Variants in CENPF observed in about 807,000 individuals in gnomAD.
The protein encoded by CENPF is centromere protein F.
CENPF carries 214 observed loss-of-function variants against 307.3 expected under a neutral mutation model. The observed-to-expected ratio is 0.70, with a 90% CI of 0.62 to 0.78. CENPF has a LOEUF of 0.78. CENPF is among the 30% of genes least tolerant of loss of function. CENPF has a pLI of 0.00. For synonymous variants in CENPF, 1,259 were observed against 1,270.6 expected (o/e 0.99, Z 0.19); for missense variants, 3,401 against 3,483.9 (o/e 0.98, Z 0.60).
intron 12 of CENPF, 52 bp from the exon 13 acceptor site, chr1:214,644,500 CTATTT>C: frequency 6.8e-7 from 1 of 1,469,282 alleles, no homozygotes; most frequent in Non-Finnish European, 9.1e-7. Context: ...TAAATCTATT[CTATTT>C]TGATTCTTTT....
At chr1:214,608,762 C>T in intron 1 of CENPF, 1 of 1,600,280 alleles carries the variant, frequency 6.2e-7, no homozygotes, top group Non-Finnish European at 8.5e-7. Context: ...GGCAGGAAGG[C>T]GAGCTTGGCA....
intron 3 of CENPF, 69 bp downstream of exon 3, chr1:214,615,097 C>A: frequency 1.8e-6 from 2 of 1,117,304 alleles, no homozygotes; most frequent in Non-Finnish European, 2.5e-6. Context: ...TTGTCTTTTC[C>A]TTTAACAATA....
intron 18 of CENPF, 98 bp from the exon 19 acceptor site, chr1:214,658,748 TGGAG>T: frequency 8.6e-7 from 1 of 1,162,138 alleles, no homozygotes; most frequent in Admixed American, 2.1e-5. Flanking sequence ...AAGTATTTTT[TGGAG>T]TTTGCATTAT....
chr1:214,631,675 T>A (rs1657813313), intron 9 of CENPF, among the ~76,000 whole-genome samples: 1 of 152,144 alleles, frequency 6.6e-6, no homozygotes, highest in Non-Finnish European at 1.5e-5. Context: ...GATTTTTGTA[T>A]TTTTAGTAGA....
Position 214,629,185 on chromosome 1 carries a change from A to T in CENPF, c.1194+14A>T, listed in dbSNP as rs1475564762. On this transcript the variant is annotated intron_variant, in intron 8 of 19. Transcript: ENST00000366955. ...GAGTTTCAAGAGGTAAGGTAAATGG[A>T]TTCATGAGGTGTTTGTCTGAAAGGC... 1 of 1,584,112 alleles carries T rather than the reference A, an allele frequency of 6.3e-7. No homozygotes were observed. Among genetic ancestry groups the T allele is most frequent in the Non-Finnish European group, 8.6e-7 (1 of 1,168,128 alleles).
At position 214,658,882 on chromosome 1, in the gene CENPF, C is replaced by A; in HGVS notation, c.8995C>A (p.Pro2999Thr). Reference protein sequence around the residue: ...FADIPTGKTSPYILRRTTMAT... With the variant: ...FADIPTGKTSTYILRRTTMAT... ...TGACATCCCGACAGGAAAGACTAGC[C>A]CATATATCCTGCGAAGAACAACCAT... is the stretch of plus-strand genomic sequence containing the variant. The change falls in exon 19 of 20, where the codon CCA (proline) becomes ACA (threonine). Residue 2999 changes from proline to threonine, a missense_variant. Coordinates refer to ENST00000366955, the MANE Select transcript of CENPF (RefSeq NM_016343.4). The A allele has an allele frequency of 3.7e-6, 6 of 1,614,028 alleles. No homozygotes were observed. Among genetic ancestry groups the A allele is most frequent in the Non-Finnish European group, 5.1e-6 (6 of 1,179,972 alleles).
At position 214,645,855 on chromosome 1, in the gene CENPF, C is replaced by T. The variant is rs751918676; in HGVS notation, c.6285C>T (p.Ala2095=). The part of the protein sequence containing the change: ...EKLNVSKALE[A]ALVEKGEFAL... Reference sequence around the variant, plus strand: ...TGAATGTCTCCAAGGCCTTGGAGGCCGCACTGGTGGAGAAAGGTGAGTTCG... The same window carrying T: ...TGAATGTCTCCAAGGCCTTGGAGGCTGCACTGGTGGAGAAAGGTGAGTTCG... Residue 2095 remains alanine, a synonymous_variant, in exon 13 of 20, where the codon GCC becomes GCT. Transcript: ENST00000366955. 32 of 1,613,974 alleles carry T rather than the reference C, an allele frequency of 2.0e-5. No homozygotes were observed. The highest frequency in any genetic ancestry group is 7.7e-5 in the South Asian group (7 of 91,086).
At chr1:214,607,631 C>T (rs936113863) in intron 1 of CENPF, among the ~76,000 whole-genome samples, 8 of 152,114 alleles carry the variant, frequency 5.3e-5, no homozygotes, top group African/African-American at 1.4e-4. Flanking sequence ...AGGGCCAGGA[C>T]GAGACAGCCC....
At chr1:214,643,429 T>A (rs1293802289) in intron 12 of CENPF, 105 bp downstream of exon 12, 3 of 1,074,736 alleles carry the variant, frequency 2.8e-6, no homozygotes, top group Non-Finnish European at 3.7e-6. Context: ...GTTAAAATAT[T>A]TTTAGGGTTC....
intron 16 of CENPF, 174 bp from the exon 17 acceptor site, chr1:214,655,067 G>T (rs771332082): frequency 4.8e-6 from 2 of 416,322 alleles, no homozygotes; most frequent in East Asian, 3.9e-5. Flanking sequence ...CAGTTGGGGG[G>T]ACTTAGGAAA....
chr1:214,652,213 T>A (rs954605123), intron 15 of CENPF, among the ~76,000 whole-genome samples: 5 of 151,030 alleles, frequency 3.3e-5, no homozygotes, highest in African/African-American at 1.2e-4. Context: ...TTTTTTGTAT[T>A]TTTAGTAGTG....
chr1:214,640,596 A>T lies in CENPF; in HGVS notation c.2258A>T (p.Tyr753Phe). 6.2e-7 allele frequency: 1 copy of T among 1,614,138 alleles called. No individual in the cohort carries two copies. The highest frequency in any genetic ancestry group is 8.5e-7 in the Non-Finnish European group (1 of 1,179,960). Residue 753 changes from tyrosine (Y) to phenylalanine (F), a missense_variant, in exon 12 of 20, where the codon TAC (tyrosine) becomes TTC (phenylalanine). By Grantham distance (22) the Tyr-to-Phe change is conservative. Transcript: ENST00000366955. The part of the protein sequence containing the change: ...SNEIMDKDRC[Y>F]QDLHAEYESL... Reference sequence around the variant, plus strand: ...GAAATAATGGACAAAGACCGGTGTTACCAAGACTTGCATGCCGAATATGAG... The same window carrying T: ...GAAATAATGGACAAAGACCGGTGTTTCCAAGACTTGCATGCCGAATATGAG...
intron 1 of CENPF, chr1:214,605,714 C>T (rs1558165930): frequency 6.3e-7 from 1 of 1,593,038 alleles, no homozygotes; most frequent in Non-Finnish European, 8.5e-7. Flanking sequence ...GATGAAGCGA[C>T]GCAGGCCCTC....
Position 214,640,319 on chromosome 1 carries a change from TACA to T in CENPF, c.1984_1986del (p.Asn662del). 2 of 1,613,860 alleles carry T rather than the reference TACA, an allele frequency of 1.2e-6. No individual in the cohort carries two copies. Among genetic ancestry groups the T allele is most frequent in the Non-Finnish European group, 1.7e-6 (2 of 1,179,954 alleles). On this transcript the variant is annotated inframe_deletion, in exon 12 of 20. Transcript: ENST00000366955. Reference sequence around the variant, plus strand: ...GACACAGCAAATAAAAAGTCATGAATACAACGAGAGAGTAAGAACGCTGGAGAT... The same window carrying T: ...GACACAGCAAATAAAAAGTCATGAATACGAGAGAGTAAGAACGCTGGAGAT...
chr1:214,621,496 C>T (rs1317089773), intron 6 of CENPF, among the ~76,000 whole-genome samples: 4 of 152,216 alleles, frequency 2.6e-5, no homozygotes, highest in African/African-American at 9.6e-5. Flanking sequence ...TATTGAAAAT[C>T]ACTGTCAGTG....
chr1:214,606,262 G>A (rs1396735588), intron 1 of CENPF, among the ~76,000 whole-genome samples: 1 of 152,136 alleles, frequency 6.6e-6, no homozygotes, highest in Non-Finnish European at 1.5e-5. Context: ...ACACCGCGGC[G>A]GTGGGCGAAG....
intron 1 of CENPF, chr1:214,605,467 T>G: frequency 1.9e-6 from 1 of 519,272 alleles, no homozygotes; most frequent in South Asian, 2.7e-5. Flanking sequence ...AAATTTTAAA[T>G]CTTTAATTTC....
At chr1:214,621,318 G>GCC (rs1657500262) in intron 6 of CENPF, among the ~76,000 whole-genome samples, 1 of 152,202 alleles carries the variant, frequency 6.6e-6, no homozygotes, top group East Asian at 1.9e-4. Flanking sequence ...TTGGCCAGAG[G>GCC]TTGTGTGTGT....
Position 214,643,234 on chromosome 1 carries a change from A to G in CENPF, c.4896A>G (p.Glu1632=), listed in dbSNP as rs1275978355. The G allele has an allele frequency of 1.3e-6, 2 of 1,596,532 alleles. No individual in the cohort carries two copies. Among genetic ancestry groups the G allele is most frequent in the East Asian group, 2.2e-5 (1 of 44,750 alleles). ...SKLAAEKKQT[E]QLSLELEVAR... ...TGGCGGCAGAAAAGAAACAGACGGA[A>G]CAACTGTCACTTGAGCTGGAAGTAG... Residue 1632 remains glutamate (E), a synonymous_variant, in exon 12 of 20, where the codon GAA becomes GAG. Coordinates refer to ENST00000366955, the MANE Select transcript of CENPF (RefSeq NM_016343.4).
Sources: allele counts gnomAD v4.1 joint callset (sites outside exome capture counted in the v4.1 genomes callset), GRCh38; gene constraint gnomAD v4.1.1; transcripts MANE v1.5; gene names NCBI Gene and HGNC (gene_info 2026-07-23, HGNC 2026-07-21).